The following CADM1 variants were observed in gnomAD, a reference collection of about 807,000 sequenced individuals.
The protein encoded by CADM1 is cell adhesion molecule 1, also known as TSLC-1.
A neutral mutation model predicts 53.1 loss-of-function variants in CADM1; 15 were observed. That is an observed-to-expected ratio of 0.28 (90% CI 0.19 to 0.44). The LOEUF is 0.44. Among genes scored for constraint, CADM1 ranks in the 20% least tolerant of loss-of-function variants. The pLI is 1.00. For missense variants in CADM1, 434 were observed against 611.3 expected (o/e 0.71, Z 3.06); for synonymous variants, 281 against 243.0 (o/e 1.16, Z -1.45).
At chr11:115,262,141 CTTT>C (rs771054037) in intron 1 of CADM1, among the ~76,000 whole-genome samples, 1 of 140,488 alleles carries the variant, frequency 7.1e-6, no homozygotes. Context: ...CTTTTTTTGT[CTTT>C]TTTTTTTTTT....
chr11:115,209,715 T>C, intron 7 of CADM1, 58 bp from the exon 8 acceptor site: 1 of 1,599,094 alleles, frequency 6.3e-7, no homozygotes, highest in African/African-American at 1.3e-5. Flanking sequence ...CAATGACCAG[T>C]AATGACAAAA....
chr11:115,322,219 T>C (rs1418410367), intron 1 of CADM1, among the ~76,000 whole-genome samples: 1 of 152,162 alleles, frequency 6.6e-6, no homozygotes, highest in African/African-American at 2.4e-5. Context: ...AGACCACTCG[T>C]GAATTTGTTT....
At chr11:115,285,801 C>T (rs1472243018) in intron 1 of CADM1, among the ~76,000 whole-genome samples, 3 of 152,104 alleles carry the variant, frequency 2.0e-5, no homozygotes, top group African/African-American at 7.2e-5. Context: ...CACTGTAGCT[C>T]TCTCATCATG....
chr11:115,267,412 C>A (rs1415553150), intron 1 of CADM1, among the ~76,000 whole-genome samples: 1 of 152,198 alleles, frequency 6.6e-6, no homozygotes, highest in Non-Finnish European at 1.5e-5. Context: ...TCAGACGAGG[C>A]CAGCCAGTGT....
At chr11:115,272,222 C>A (rs971557187) in intron 1 of CADM1, among the ~76,000 whole-genome samples, 3 of 152,116 alleles carry the variant, frequency 2.0e-5, no homozygotes, top group Non-Finnish European at 4.4e-5. Context: ...GTGGTCAATG[C>A]ATTTCTCATT....
chr11:115,362,728 G>T (rs1946061082), intron 1 of CADM1, among the ~76,000 whole-genome samples: 1 of 152,082 alleles, frequency 6.6e-6, no homozygotes, highest in African/African-American at 2.4e-5. Flanking sequence ...AAAAAGGCAA[G>T]ATACTATTTA....
Position 115,178,695 on chromosome 11 carries a change from C to T in CADM1, c.1246G>A (p.Ala416Thr), listed in dbSNP as rs773206839. 6 of 1,613,558 alleles carry T rather than the reference C, an allele frequency of 3.7e-6. No individual in the cohort carries two copies. The highest frequency in any genetic ancestry group is 2.7e-5 in the African/African-American group (2 of 74,874). Residue 416 changes from alanine to threonine, a missense_variant, in exon 11 of 12, where the codon GCC (alanine) becomes ACC (threonine). Coordinates refer to ENST00000331581, the MANE Select transcript of CADM1 (RefSeq NM_001301043.2). ...IGGVVAVVVF[A>T]MLCLLIILGR... ...AGAATGATGAGCAAGCACAGCATGG[C>T]GAACACCACCACCGCCACGACGCCA...
intron 1 of CADM1, among the ~76,000 whole-genome samples, chr11:115,405,361 G>A (rs1192345403): frequency 6.6e-6 from 1 of 152,196 alleles, no homozygotes; most frequent in African/African-American, 2.4e-5. Flanking sequence ...GAAGCTATGA[G>A]AGTTCTCCCA....
At chr11:115,233,660 C>T (rs1283116201) in intron 3 of CADM1, among the ~76,000 whole-genome samples, 1 of 151,152 alleles carries the variant, frequency 6.6e-6, no homozygotes, top group Non-Finnish European at 1.5e-5. Context: ...AAAATGAAAA[C>T]AACTAAGGTG....
chr11:115,231,613 A>G (rs550244767), intron 3 of CADM1, 123 bp from the exon 4 acceptor site: 242 of 872,412 alleles, frequency 2.8e-4, no homozygotes, highest in Non-Finnish European at 3.4e-4. Flanking sequence ...GGCGAAAAAG[A>G]AATACAAAGT....
At chr11:115,248,342 C>A (rs1156361735) in intron 1 of CADM1, among the ~76,000 whole-genome samples, 5 of 152,202 alleles carry the variant, frequency 3.3e-5, no homozygotes, top group African/African-American at 1.2e-4. Flanking sequence ...CTTTAAAAGA[C>A]TGAGCTCAAT....
chr11:115,395,390 A>G (rs1206200040), intron 1 of CADM1, among the ~76,000 whole-genome samples: 1 of 152,216 alleles, frequency 6.6e-6, no homozygotes, highest in Non-Finnish European at 1.5e-5. Context: ...ATTAATCTAC[A>G]TCTGCTTTTT....
chr11:115,296,048 A>G (rs941931192), intron 1 of CADM1, among the ~76,000 whole-genome samples: 2 of 152,074 alleles, frequency 1.3e-5, no homozygotes, highest in Non-Finnish European at 2.9e-5. Context: ...ACTCCTAGGT[A>G]CAAGTGATCC....
At chr11:115,229,334 T>G in intron 4 of CADM1, 63 bp from the exon 5 acceptor site, 1 of 1,490,542 alleles carries the variant, frequency 6.7e-7, no homozygotes, top group Admixed American at 1.7e-5. Flanking sequence ...TTTGTTTTTA[T>G]GTCCTCCCCT....
chr11:115,289,753 G>C (rs899876535), intron 1 of CADM1, among the ~76,000 whole-genome samples: 1 of 151,602 alleles, frequency 6.6e-6, no homozygotes, highest in Non-Finnish European at 1.5e-5. Flanking sequence ...CCACCATCAC[G>C]CCCAGCTAAT....
chr11:115,195,752 C>T (rs1341528897), intron 9 of CADM1, among the ~76,000 whole-genome samples: 1 of 152,200 alleles, frequency 6.6e-6, no homozygotes. Context: ...TCTATCCTGA[C>T]AACTGACCTG....
intron 1 of CADM1, among the ~76,000 whole-genome samples, chr11:115,312,865 G>T (rs1017800333): frequency 8.5e-5 from 13 of 152,104 alleles, no homozygotes; most frequent in Non-Finnish European, 2.9e-5. Context: ...AATGTCCAAA[G>T]ATTTTGATAT....
intron 7 of CADM1, among the ~76,000 whole-genome samples, chr11:115,213,731 C>T (rs141390013): frequency 2.2e-4 from 33 of 152,206 alleles, no homozygotes; most frequent in African/African-American, 7.7e-4. Flanking sequence ...AAAAATACCC[C>T]CTTCACACAC....
intron 1 of CADM1, among the ~76,000 whole-genome samples, chr11:115,345,080 G>A (rs1945541898): frequency 6.6e-6 from 1 of 152,096 alleles, no homozygotes; most frequent in Non-Finnish European, 1.5e-5. Flanking sequence ...GGCTGCAACA[G>A]GCCTAGGCTG....
Sources: allele counts gnomAD v4.1 joint callset (sites outside exome capture counted in the v4.1 genomes callset), GRCh38; gene constraint gnomAD v4.1.1; transcripts MANE v1.5; gene names NCBI Gene and HGNC (gene_info 2026-07-23, HGNC 2026-07-21).